TMPRSS9: variants seen among roughly 807,000 people sequenced by gnomAD.
TMPRSS9 encodes the protein transmembrane serine protease 9.
A neutral mutation model predicts 111.4 loss-of-function variants in TMPRSS9; 113 were observed. The observed-to-expected ratio is 1.01, with a 90% CI of 0.87 to 1.19. The LOEUF (loss-of-function observed/expected upper bound fraction) is 1.19. TMPRSS9 is among the 50% of genes most tolerant of loss of function. The probability of loss-of-function intolerance (pLI) is 0.00; values close to 1 mark genes in which losing one functional copy is unlikely to be tolerated. For synonymous variants in TMPRSS9, 805 were observed against 659.1 expected (o/e 1.22, Z -3.39); for missense variants, 1,803 against 1,513.1 (o/e 1.19, Z -3.18).
At chr19:2,385,831 A>C (rs2145271004), upstream of TMPRSS9, among the ~76,000 whole-genome samples, 1 of 152,278 alleles carries the variant, frequency 6.6e-6, no homozygotes, top group African/African-American at 2.4e-5. Context: ...AGCCTGGGTG[A>C]CAGAGCAGGA....
intron 4 of TMPRSS9, among the ~76,000 whole-genome samples, chr19:2,401,481 T>C (rs1269213091): frequency 2.0e-5 from 3 of 152,188 alleles, no homozygotes; most frequent in Non-Finnish European, 4.4e-5. Flanking sequence ...CAAGTGAGAC[T>C]GAGGATCGGT....
chr19:2,404,682 G>A (rs1374916608), intron 6 of TMPRSS9, among the ~76,000 whole-genome samples: 1 of 152,132 alleles, frequency 6.6e-6, no homozygotes, highest in Non-Finnish European at 1.5e-5. Flanking sequence ...TGTAATCCCA[G>A]CACTTTGGGA....
At position 2,401,239 on chromosome 19, in the gene TMPRSS9, T is replaced by A. The variant is rs149085592; in HGVS notation, c.515-736T>A. The stretch of plus-strand genomic sequence containing the variant: ...AAGTGAGCCGAGATCGCGCCACTGC[T>A]CTCCAGCCTGGGCGACAGAGGGAGA... On this transcript the variant is annotated intron_variant, in intron 4 of 17. Coordinates refer to ENST00000648592, the Ensembl canonical transcript of TMPRSS9. Among the ~76,000 whole-genome samples, 1,262 of 151,460 alleles carry A rather than the reference T, an allele frequency of 8.3e-3. 11 individuals carry two copies. Among genetic ancestry groups the A allele is most frequent in the East Asian group, 0.027 (137 of 5,094 alleles).
intron 1 of TMPRSS9, among the ~76,000 whole-genome samples, chr19:2,372,367 TA>T (rs11331621): frequency 0.068 from 10,235 of 150,096 alleles, 559 homozygotes; most frequent in East Asian, 0.27. Flanking sequence ...TACGTTGCTT[TA>T]AAAAAAAAAT....
chr19:2,395,376 C>T (rs886425398), intron 1 of TMPRSS9, among the ~76,000 whole-genome samples: 9 of 151,648 alleles, frequency 5.9e-5, no homozygotes, highest in African/African-American at 1.9e-4. Context: ...GAGGTTGCAG[C>T]GAGCTGAGAA....
intron 9 of TMPRSS9, among the ~76,000 whole-genome samples, chr19:2,411,424 G>A (rs1396165404): frequency 7.0e-5 from 9 of 128,678 alleles, no homozygotes; most frequent in Non-Finnish European, 4.7e-5. Flanking sequence ...TTGAGATGGA[G>A]TCTCACTCTG....
exon 15 of TMPRSS9, chr19:2,424,232 C>T: frequency 7.1e-7 from 1 of 1,415,306 alleles, no homozygotes; most frequent in Non-Finnish European, 9.3e-7. Context: ...GAGGTGGCTG[C>T]TGTCGGCGGC....
At chr19:2,362,733 C>CAT (rs201564844) in intron 1 of TMPRSS9, among the ~76,000 whole-genome samples, 2,067 of 151,542 alleles carry the variant, frequency 0.014, 51 homozygotes, top group African/African-American at 0.046. Flanking sequence ...GGAGTTGTAA[C>CAT]GTGGTTGTGT....
chr19:2,391,623 T>A (rs1970599393), intron 1 of TMPRSS9, among the ~76,000 whole-genome samples: 1 of 150,376 alleles, frequency 6.6e-6, no homozygotes, highest in African/African-American at 2.4e-5. Context: ...TGTGTGTCCA[T>A]CACCTAGTGA....
intron 5 of TMPRSS9, among the ~76,000 whole-genome samples, chr19:2,402,669 C>T (rs1005651902): frequency 9.2e-5 from 14 of 152,124 alleles, no homozygotes; most frequent in African/African-American, 2.4e-4. Flanking sequence ...ACCAGGGAGG[C>T]GGAGGTTGCG....
rs1161713801 is a variant in TMPRSS9, at chr19:2,425,392, C to T, written c.3019C>T (p.Arg1007Cys). 1.4e-5 allele frequency: 22 copies of T among 1,555,776 alleles called. No homozygotes were observed. The highest frequency in any genetic ancestry group is 1.2e-4 in the African/African-American group (9 of 72,332). ...GCGGCAGCTGCAGAAGGCGGCCGTGCGCCTCCTCAGCGAGCAGACCTGCCG... is the reference window on the plus strand; with the variant it reads ...GCGGCAGCTGCAGAAGGCGGCCGTGTGCCTCCTCAGCGAGCAGACCTGCCG... Residue 1007 changes from arginine (R) to cysteine (C), a missense_variant, in exon 17 of 18, where the codon CGC (arginine) becomes TGC (cysteine). By Grantham distance (180) the Arg-to-Cys change is radical (BLOSUM62 -3). Coordinates refer to ENST00000648592, the Ensembl canonical transcript of TMPRSS9.
chr19:2,368,068 A>G (rs1970261379), intron 1 of TMPRSS9, among the ~76,000 whole-genome samples: 1 of 152,152 alleles, frequency 6.6e-6, no homozygotes, highest in Non-Finnish European at 1.5e-5. Context: ...TTGAGGAATG[A>G]TGTGCCAGCT....
At chr19:2,425,722 G>A (rs1971606801) in intron 17 of TMPRSS9, 1 of 1,142,818 alleles carries the variant, frequency 8.8e-7, no homozygotes, top group Non-Finnish European at 1.2e-6. Context: ...GGCAGAGGCT[G>A]CAGTGGGAGG....
In TMPRSS9 at chr19:2,408,590, G is replaced by T. The variant is rs376169659; in HGVS notation, c.1077G>T (p.Lys359Asn). ...CACACATCTTCCCACCCAGCAAGAA[G>T]TGCCTGATCTCAGGCTGGGGCTACC... Residue 359 changes from lysine (K) to asparagine (N), a missense_variant, in exon 8 of 18, where the codon AAG becomes AAT. Lys to Asn is a moderately conservative substitution (Grantham distance 94). Coordinates refer to ENST00000648592, the Ensembl canonical transcript of TMPRSS9. 93 of 1,613,258 alleles carry T rather than the reference G, an allele frequency of 5.8e-5. No homozygotes were observed. The highest frequency in any genetic ancestry group is 7.9e-5 in the Non-Finnish European group (93 of 1,179,922).
chr19:2,410,726 G>T (rs1239216511), intron 9 of TMPRSS9, among the ~76,000 whole-genome samples: 1 of 152,046 alleles, frequency 6.6e-6, no homozygotes. Flanking sequence ...CAGAGCCTGG[G>T]GTCCCTGAGT....
intron 9 of TMPRSS9, among the ~76,000 whole-genome samples, chr19:2,412,530 C>T (rs1316215014): frequency 6.6e-6 from 1 of 152,190 alleles, no homozygotes; most frequent in Admixed American, 6.6e-5. Context: ...TTTCAAGGGA[C>T]CAAAGACCTC....
intron 7 of TMPRSS9, among the ~76,000 whole-genome samples, chr19:2,406,554 C>G (rs1432578344): frequency 1.4e-5 from 2 of 147,790 alleles, no homozygotes; most frequent in East Asian, 4.1e-4. Flanking sequence ...AGGCTGGTCT[C>G]GAACTCCTGT....
At chr19:2,391,237 C>CA (rs10650164) in intron 1 of TMPRSS9, among the ~76,000 whole-genome samples, 1,283 of 53,004 alleles carry the variant, frequency 0.024, 168 homozygotes, top group African/African-American at 0.12. Flanking sequence ...AATTCCATCT[C>CA]AAAAAAAAAA....
chr19:2,399,254 C>T, intron 4 of TMPRSS9, 61 bp downstream of exon 5: 1 of 1,507,798 alleles, frequency 6.6e-7, no homozygotes, highest in Middle Eastern at 2.3e-4. Context: ...GCAGGAGCTG[C>T]AAGATACATT....
Sources: gnomAD v4.1 joint callset for allele counts (sites outside exome capture counted in the v4.1 genomes callset) on GRCh38, gnomAD v4.1.1 for gene constraint, MANE v1.5 for transcripts, NCBI Gene and HGNC (gene_info 2026-07-23, HGNC 2026-07-21) for gene names.